PCDH9: variants seen among roughly 807,000 people sequenced by gnomAD.
The protein encoded by PCDH9 is protocadherin-9.
In PCDH9, 24 loss-of-function variants were observed where a neutral mutation model predicts 70.6. The ratio of observed to expected loss-of-function variants is 0.34; its 90% CI spans 0.25 to 0.48. The LOEUF (loss-of-function observed/expected upper bound fraction) is 0.48, where lower values mean the gene tolerates loss of function less well. Ranked by LOEUF, PCDH9 falls within the 20% of genes least tolerant of loss-of-function variation. PCDH9 has a pLI of 0.99. For missense variants in PCDH9, 1,281 were observed against 1,503.6 expected (o/e 0.85, Z 2.45); for synonymous variants, 562 against 558.5 (o/e 1.01, Z -0.09).
intron 3 of PCDH9, among the ~76,000 whole-genome samples, chr13:66,713,054 C>T (rs893978414): frequency 2.6e-5 from 4 of 152,116 alleles, no homozygotes; most frequent in South Asian, 2.1e-4. Context: ...ATCCAACATT[C>T]GTATGTTTTC....
Position 67,001,039 on chromosome 13 carries a change from T to C in PCDH9, c.3037-97434A>G, listed in dbSNP as rs189254613. On this transcript the variant is annotated intron_variant, in intron 2 of 4. Coordinates refer to ENST00000377865, the MANE Select transcript of PCDH9 (RefSeq NM_203487.3). ...GAATAGCAATTACAACTACCCACAT[T>C]TCACAAAAGATTAAACCAAGACTTT... is the stretch of plus-strand genomic sequence containing the variant. Among the ~76,000 whole-genome samples the C allele has an allele frequency of 2.8e-4, 42 of 152,276 alleles. No homozygotes were observed. The East Asian group carries it at 6.2e-3, about 22-fold the overall frequency.
At chr13:66,785,426 T>C (rs9540914) in intron 3 of PCDH9, among the ~76,000 whole-genome samples, 56,653 of 151,336 alleles carry the variant, frequency 0.37, 10,837 homozygotes, top group East Asian at 0.58. Flanking sequence ...AAAGGTCACT[T>C]AATGATTTTT....
At chr13:67,185,918 G>T (rs2088746726) in intron 2 of PCDH9, among the ~76,000 whole-genome samples, 1 of 152,042 alleles carries the variant, frequency 6.6e-6, no homozygotes. Flanking sequence ...TTTTAGTAGA[G>T]ACAGGGTTTC....
intron 2 of PCDH9, chr13:67,222,923 A>G (rs2089764075): frequency 6.6e-6 from 1 of 152,194 alleles, no homozygotes. Flanking sequence ...TGCTTCTTTT[A>G]TCCAAAAAAA....
intron 3 of PCDH9, among the ~76,000 whole-genome samples, chr13:66,837,850 A>G (rs1331971587): frequency 6.6e-6 from 1 of 152,172 alleles, no homozygotes; most frequent in Non-Finnish European, 1.5e-5. Context: ...GAGTTTCAGG[A>G]CACAACTGCC....
At chr13:67,021,498 T>C (rs2084670854) in intron 2 of PCDH9, among the ~76,000 whole-genome samples, 1 of 152,248 alleles carries the variant, frequency 6.6e-6, no homozygotes, top group Non-Finnish European at 1.5e-5. Context: ...TTTTCTTTTA[T>C]ACTTCTGGGT....
At chr13:66,701,352 A>C (rs2078645275) in intron 3 of PCDH9, among the ~76,000 whole-genome samples, 1 of 152,014 alleles carries the variant, frequency 6.6e-6, no homozygotes, top group Non-Finnish European at 1.5e-5. Flanking sequence ...TACATGTATG[A>C]GTATGTAAAT....
rs565114944 is a variant in PCDH9 at position 66,882,932 on chromosome 13, TCA to T, written c.3138+20570_3138+20571del. On this transcript the variant is annotated intron_variant, in intron 3 of 4. Coordinates refer to ENST00000377865, the MANE Select transcript of PCDH9 (RefSeq NM_203487.3). The stretch of plus-strand genomic sequence containing the variant: ...TTCTTCCTTTTTATGATGTCACAAT[TCA>T]CAAACTCACAACTTCACACTATCTA... 1.6e-4 allele frequency among the ~76,000 whole-genome samples: 25 copies of T among 152,304 alleles called. 1 individual carries two copies. In the South Asian group the frequency reaches 5.2e-3, roughly 32 times the overall value.
chr13:66,586,356 C>T (rs1035786141), intron 4 of PCDH9, among the ~76,000 whole-genome samples: 2 of 152,014 alleles, frequency 1.3e-5, no homozygotes, highest in Non-Finnish European at 2.9e-5. Flanking sequence ...TTAATTGATT[C>T]TAATTTTCAA....
chr13:66,344,142 T>C (rs1209480401), intron 4 of PCDH9, among the ~76,000 whole-genome samples: 1 of 152,172 alleles, frequency 6.6e-6, no homozygotes, highest in Non-Finnish European at 1.5e-5. Context: ...GGGGTTTTTT[T>C]TGTTTTTGTT....
chr13:67,110,245 C>T (rs539160657), intron 2 of PCDH9, among the ~76,000 whole-genome samples: 7 of 151,702 alleles, frequency 4.6e-5, no homozygotes, highest in African/African-American at 7.2e-5. Context: ...GAGATACGGC[C>T]GGGTGCAGTG....
rs1039901802 is a variant in PCDH9, at chr13:66,510,391, A to G, written c.3340+120819T>C. Among the ~76,000 whole-genome samples the G allele has an allele frequency of 5.3e-5, 8 of 151,952 alleles. No homozygotes were observed. The East Asian group carries it at 1.3e-3, about 26-fold the overall frequency. ...TATTTTTTATTATACTTTAAGTTCT[A>G]GGGTACATGTGTACAACGTGCAGGT... On this transcript the variant is annotated intron_variant, in intron 4 of 4. Coordinates refer to ENST00000377865, the MANE Select transcript of PCDH9 (RefSeq NM_203487.3).
intron 2 of PCDH9, among the ~76,000 whole-genome samples, chr13:67,019,695 G>T (rs1481038143): frequency 2.6e-5 from 4 of 152,068 alleles, no homozygotes; most frequent in African/African-American, 9.7e-5. Context: ...AGGAGATAAG[G>T]GGTAACCTCA....
chr13:67,214,974 T>TATATATATATATATATA (rs2089567662), intron 2 of PCDH9: 3 of 47,630 alleles, frequency 6.3e-5, no homozygotes, highest in Non-Finnish European at 1.5e-4. Context: ...ATATATATAT[T>TATATATATATATATATA]CACTTAATCT....
At chr13:66,844,358 G>A (rs192228820) in intron 3 of PCDH9, among the ~76,000 whole-genome samples, 257 of 152,124 alleles carry the variant, frequency 1.7e-3, no homozygotes, top group Non-Finnish European at 1.8e-3. Flanking sequence ...AAGCCGAGGC[G>A]AGTGGATCCC....
At chr13:67,073,685 G>A (rs1391261163) in intron 2 of PCDH9, among the ~76,000 whole-genome samples, 1 of 151,960 alleles carries the variant, frequency 6.6e-6, no homozygotes, top group Non-Finnish European at 1.5e-5. Context: ...CTCCTGGTAT[G>A]TATACTTTCC....
intron 2 of PCDH9, among the ~76,000 whole-genome samples, chr13:66,952,582 A>G (rs540168678): frequency 6.2e-4 from 95 of 152,310 alleles, no homozygotes; most frequent in Non-Finnish European, 1.2e-3. Context: ...ATTAAATGCA[A>G]GGTCACTGAT....
At chr13:66,922,871 T>C (rs2082659029) in intron 2 of PCDH9, among the ~76,000 whole-genome samples, 1 of 151,470 alleles carries the variant, frequency 6.6e-6, no homozygotes, top group Non-Finnish European at 1.5e-5. Flanking sequence ...TTCCAACTCA[T>C]TCATTTTTTT....
chr13:66,325,086 C>A (rs1330887418), intron 4 of PCDH9, among the ~76,000 whole-genome samples: 1 of 151,786 alleles, frequency 6.6e-6, no homozygotes, highest in Non-Finnish European at 1.5e-5. Context: ...AATATAGAAA[C>A]AATATTTTTC....
Sources: gnomAD v4.1 joint callset for allele counts (sites outside exome capture counted in the v4.1 genomes callset) on GRCh38, gnomAD v4.1.1 for gene constraint, MANE v1.5 for transcripts, NCBI Gene and HGNC (gene_info 2026-07-23, HGNC 2026-07-21) for gene names.